Variants in NFIA observed in about 807,000 individuals in gnomAD.
The protein encoded by NFIA is nuclear factor 1 A-type.
In NFIA, 8 loss-of-function variants were observed where a neutral mutation model predicts 62.8. The observed-to-expected ratio is 0.13, with a 90% CI of 0.07 to 0.23. The LOEUF (loss-of-function observed/expected upper bound fraction) is 0.23, where lower values mean the gene tolerates loss of function less well. NFIA is among the 10% of genes least tolerant of loss of function. The probability of loss-of-function intolerance (pLI) is 1.00; values close to 1 mark genes in which losing one functional copy is unlikely to be tolerated. For missense variants in NFIA, 410 were observed against 642.1 expected, an observed-to-expected ratio of 0.64 and a Z score of 3.91; for synonymous variants, 235 against 238.1, an observed-to-expected ratio of 0.99 and a Z score of 0.12.
intron 5 of NFIA, among the ~76,000 whole-genome samples, chr1:61,355,958 A>G (rs561576721): frequency 6.6e-6 from 1 of 152,142 alleles, no homozygotes; most frequent in Admixed American, 6.5e-5. Context: ...GAATCTTTCA[A>G]CTCTAGGATT....
chr1:61,418,326 G>A (rs971144199), intron 9 of NFIA, among the ~76,000 whole-genome samples: 3 of 152,028 alleles, frequency 2.0e-5, no homozygotes, highest in African/African-American at 7.3e-5. Flanking sequence ...CCAGGCATGT[G>A]GCACACACCT....
At chr1:61,107,248 T>C (rs1646619546) in intron 2 of NFIA, among the ~76,000 whole-genome samples, 2 of 151,672 alleles carry the variant, frequency 1.3e-5, no homozygotes, top group South Asian at 2.1e-4. Context: ...GATAGTGATA[T>C]TTTATCTTAC....
intron 2 of NFIA, among the ~76,000 whole-genome samples, chr1:61,229,121 G>A (rs567150885): frequency 1.2e-4 from 18 of 149,598 alleles, no homozygotes; most frequent in Non-Finnish European, 2.4e-4. Flanking sequence ...CATGAATGGA[G>A]TCAGGGTAAA....
chr1:61,196,516 C>A (rs1159261488), intron 2 of NFIA, among the ~76,000 whole-genome samples: 1 of 152,170 alleles, frequency 6.6e-6, no homozygotes, highest in Non-Finnish European at 1.5e-5. Context: ...GCAAATGTTG[C>A]ATGCAATATG....
intron 2 of NFIA, among the ~76,000 whole-genome samples, chr1:61,122,900 A>AT (rs1203715850): frequency 1.3e-5 from 2 of 151,908 alleles, no homozygotes; most frequent in African/African-American, 4.8e-5. Context: ...TGCATTTGCT[A>AT]TTTTTCCTAA....
intron 2 of NFIA, among the ~76,000 whole-genome samples, chr1:61,235,239 G>T (rs1248326354): frequency 6.6e-6 from 1 of 152,060 alleles, no homozygotes; most frequent in Non-Finnish European, 1.5e-5. Flanking sequence ...GAGGCGTGTG[G>T]ATCATGAGGT....
At chr1:61,422,813 C>T (rs548752532) in intron 9 of NFIA, among the ~76,000 whole-genome samples, 2 of 152,072 alleles carry the variant, frequency 1.3e-5, no homozygotes, top group South Asian at 2.1e-4. Flanking sequence ...ACCCCACTCC[C>T]TCATGTCCAT....
chr1:61,201,587 C>G (rs956688914), intron 2 of NFIA, among the ~76,000 whole-genome samples: 1 of 150,876 alleles, frequency 6.6e-6, no homozygotes, highest in African/African-American at 2.4e-5. Flanking sequence ...GTGGTAAAAG[C>G]CTGTTTAATG....
intron 2 of NFIA, among the ~76,000 whole-genome samples, chr1:61,101,142 TC>T (rs1399860290): frequency 6.6e-6 from 1 of 152,092 alleles, no homozygotes; most frequent in South Asian, 2.1e-4. Context: ...ATGCCTGTAA[TC>T]CCGGCACTTT....
At chr1:61,209,667 T>TACAACAACA (rs71756240) in intron 2 of NFIA, among the ~76,000 whole-genome samples, 65 of 147,984 alleles carry the variant, frequency 4.4e-4, no homozygotes, top group African/African-American at 9.8e-4. Context: ...CTATGAAAAA[T>TACAACAACA]ACAACAACAA....
At position 61,383,659 on chromosome 1, in the gene NFIA, G is replaced by GA. The variant is rs1557746626; in HGVS notation, c.1075+294_1075+295insA. On this transcript the variant is annotated intron_variant, in intron 7 of 10. Coordinates refer to ENST00000403491, the MANE Select transcript of NFIA (RefSeq NM_001134673.4). ...AACCAAAATCAAATCTGTTCTACAAGTTGTGTGTGTGTGTGTGTGAGAGAG... is the reference window on the plus strand; with the variant it reads ...AACCAAAATCAAATCTGTTCTACAAGATTGTGTGTGTGTGTGTGTGAGAGAG... Among the ~76,000 whole-genome samples, 14 of 152,272 alleles carry GA rather than the reference G, an allele frequency of 9.2e-5. No individual in the cohort carries two copies. In the East Asian group the frequency reaches 9.6e-4, roughly 10 times the overall value.
intron 2 of NFIA, among the ~76,000 whole-genome samples, chr1:61,144,372 C>T (rs527965595): frequency 9.2e-5 from 14 of 152,322 alleles, no homozygotes; most frequent in Admixed American, 3.3e-4. Context: ...AGATAGCTCT[C>T]TGGAGAACTT....
intron 7 of NFIA, among the ~76,000 whole-genome samples, chr1:61,396,554 A>T (rs1361106809): frequency 6.6e-6 from 1 of 152,108 alleles, no homozygotes; most frequent in Non-Finnish European, 1.5e-5. Flanking sequence ...GCCGAAAAGT[A>T]TTTCTAGTAG....
At chr1:61,350,559 G>C (rs2886080) in intron 4 of NFIA, among the ~76,000 whole-genome samples, 133,534 of 152,210 alleles carry the variant, frequency 0.88, 58,617 homozygotes, top group East Asian at 0.95. Flanking sequence ...TTGCTTGAGC[G>C]CAGGAGCTGG....
At chr1:61,399,626 A>G (rs1665451562) in intron 7 of NFIA, among the ~76,000 whole-genome samples, 1 of 152,224 alleles carries the variant, frequency 6.6e-6, no homozygotes. Context: ...TGAGCTTGAG[A>G]AAAACTACTG....
rs1464759727 is a variant in NFIA at position 61,426,194 on chromosome 1, A to G, written c.1421-271A>G. Reference sequence around the variant, plus strand: ...AAAGTATACTTTGCAAATGTCCTGCATGTTCTAATTTGTATGGTAGAAGGA... The same window carrying G: ...AAAGTATACTTTGCAAATGTCCTGCGTGTTCTAATTTGTATGGTAGAAGGA... On this transcript the variant is annotated intron_variant, in intron 9 of 10. Transcript: ENST00000403491. Among the ~76,000 whole-genome samples, 4 of 152,204 alleles carry G rather than the reference A, an allele frequency of 2.6e-5. No homozygotes were observed. In the East Asian group the frequency reaches 5.8e-4, roughly 22 times the overall value.
At chr1:61,316,656 G>T (rs1660382353) in intron 3 of NFIA, among the ~76,000 whole-genome samples, 1 of 152,182 alleles carries the variant, frequency 6.6e-6, no homozygotes, top group Non-Finnish European at 1.5e-5. Context: ...GCTCTTACTT[G>T]GAGCCGAGTC....
At chr1:61,077,968 C>T (rs1315151995), upstream of NFIA, among the ~76,000 whole-genome samples, 1 of 150,344 alleles carries the variant, frequency 6.7e-6, no homozygotes, top group Non-Finnish European at 1.5e-5. Flanking sequence ...GTGCTCTGTT[C>T]TGTAAAAGAC....
At chr1:61,081,991 G>T, upstream of NFIA, 1 of 1,550,594 alleles carries the variant, frequency 6.4e-7, no homozygotes. Flanking sequence ...ACGTGCCCAC[G>T]CGGTGGCCCG....
Sources: gnomAD v4.1 joint callset for allele counts (sites outside exome capture counted in the v4.1 genomes callset) on GRCh38, gnomAD v4.1.1 for gene constraint, MANE v1.5 for transcripts, NCBI Gene and HGNC (gene_info 2026-07-23, HGNC 2026-07-21) for gene names.